Variants in BCKDHB observed in about 807,000 individuals in gnomAD.
BCKDHB encodes branched chain keto acid dehydrogenase E1 subunit beta.
In BCKDHB, 41 loss-of-function variants were observed where a neutral mutation model predicts 48.5. The ratio of observed to expected loss-of-function variants is 0.85; its 90% confidence interval spans 0.66 to 1.10. The LOEUF is 1.10. Among genes scored for constraint, BCKDHB ranks in the 50% least tolerant of loss-of-function variants. The pLI, the probability that BCKDHB is intolerant of heterozygous loss-of-function variation, is 0.00. For synonymous variants in BCKDHB, 201 were observed against 174.8 expected (o/e 1.15, Z -1.18); for missense variants, 496 against 494.2 (o/e 1.00, Z -0.03).
At chr6:80,214,445 T>A (rs1355637311) in intron 8 of BCKDHB, among the ~76,000 whole-genome samples, 1 of 152,234 alleles carries the variant, frequency 6.6e-6, no homozygotes, top group Non-Finnish European at 1.5e-5. Context: ...AATTGGTTAC[T>A]TGAACTTAAG....
chr6:80,427,018 A>G, the BCKDHB span, among the ~76,000 whole-genome samples: 1 of 152,030 alleles, frequency 6.6e-6, no homozygotes, highest in Non-Finnish European at 1.5e-5. Flanking sequence ...GTATTTGTAT[A>G]TTTATTAGAT....
chr6:80,227,937 G>A (rs1381107222), intron 8 of BCKDHB, among the ~76,000 whole-genome samples: 1 of 152,180 alleles, frequency 6.6e-6, no homozygotes, highest in African/African-American at 2.4e-5. Context: ...ATTGTGGGAT[G>A]AAAGAGTGGT....
the BCKDHB span, among the ~76,000 whole-genome samples, chr6:80,419,314 A>T: frequency 6.6e-6 from 1 of 152,118 alleles, no homozygotes; most frequent in Non-Finnish European, 1.5e-5. Context: ...GTCAAGCATA[A>T]TTCACCAGCA....
rs180912212 is a variant in BCKDHB, at chr6:80,148,330, G to A, written c.343+19101G>A. ...GTGAAAGTCATCCTTCTGCATATAT[G>A]CTTATTAGTTTCAGATCAGTGTAGA... On this transcript the variant is annotated intron_variant, in intron 3 of 9. Transcript: ENST00000320393. 1.5e-4 allele frequency among the ~76,000 whole-genome samples: 23 copies of A among 152,156 alleles called. No individual in the cohort carries two copies. In the East Asian group the frequency reaches 3.9e-3, roughly 26 times the overall value.
the BCKDHB span, among the ~76,000 whole-genome samples, chr6:80,394,936 C>A: frequency 6.6e-6 from 1 of 152,122 alleles, no homozygotes; most frequent in Non-Finnish European, 1.5e-5. Flanking sequence ...TTATAAGGAG[C>A]TTTTCCCTGT....
intron 8 of BCKDHB, among the ~76,000 whole-genome samples, chr6:80,238,529 T>C (rs1437585608): frequency 6.6e-6 from 1 of 152,170 alleles, no homozygotes; most frequent in African/African-American, 2.4e-5. Flanking sequence ...GCTCAGAGAC[T>C]CTCCAGCGCA....
At chr6:80,352,527 A>C in the BCKDHB span, among the ~76,000 whole-genome samples, 1 of 152,142 alleles carries the variant, frequency 6.6e-6, no homozygotes, top group East Asian at 1.9e-4. Context: ...CTTCCAATGA[A>C]CCACCATTTT....
chr6:80,340,815 G>A (rs536119015), intron 9 of BCKDHB, among the ~76,000 whole-genome samples: 20 of 151,970 alleles, frequency 1.3e-4, no homozygotes, highest in Non-Finnish European at 2.2e-4. Context: ...ACATACGTAC[G>A]TACGTACATG....
chr6:80,236,718 A>T (rs536715886), intron 8 of BCKDHB, among the ~76,000 whole-genome samples: 10 of 152,174 alleles, frequency 6.6e-5, no homozygotes, highest in African/African-American at 2.2e-4. Context: ...CCAATTCCAG[A>T]GTCTGTGCTC....
At position 80,197,345 on chromosome 6, in the gene BCKDHB, G is replaced by A. The variant is rs1375288036; in HGVS notation, c.743-3589G>A. 2.0e-5 allele frequency among the ~76,000 whole-genome samples: 3 copies of A among 151,982 alleles called. 1 individual carries two copies. The highest frequency in any genetic ancestry group is 7.3e-5 in the African/African-American group (3 of 41,368). ...ATTAATTCTTATTCTCCTGTTCTCA[G>A]GATAATGTTTAAGCAAATCTAAGAG... On this transcript the variant is annotated intron_variant, in intron 6 of 9. Transcript: ENST00000320393.
intron 8 of BCKDHB, among the ~76,000 whole-genome samples, chr6:80,239,489 ATTC>A (rs1776288832): frequency 6.6e-6 from 1 of 151,998 alleles, no homozygotes; most frequent in South Asian, 2.1e-4. Flanking sequence ...TTCTTTGTAG[ATTC>A]TGGATATTAG....
chr6:80,240,649 C>A (rs1386788858), intron 8 of BCKDHB, among the ~76,000 whole-genome samples: 1 of 152,080 alleles, frequency 6.6e-6, no homozygotes, highest in African/African-American at 2.4e-5. Flanking sequence ...TAATTGAATA[C>A]CCTTTATTTC....
chr6:80,423,809 T>G, the BCKDHB span, among the ~76,000 whole-genome samples: 9 of 152,362 alleles, frequency 5.9e-5, no homozygotes, highest in East Asian at 1.3e-3. Context: ...AAGCTCTTTA[T>G]GTATGGGTAC....
intron 9 of BCKDHB, among the ~76,000 whole-genome samples, chr6:80,331,688 G>C: frequency 6.6e-6 from 1 of 152,178 alleles, no homozygotes; most frequent in East Asian, 1.9e-4. Context: ...AGGTTGATGT[G>C]TGAACACTGT....
chr6:80,465,470 G>A, the BCKDHB span, among the ~76,000 whole-genome samples: 1 of 152,264 alleles, frequency 6.6e-6, no homozygotes, highest in Non-Finnish European at 1.5e-5. Flanking sequence ...CACAGCACAA[G>A]TCTAAAATCA....
At chr6:80,396,921 A>G in the BCKDHB span, among the ~76,000 whole-genome samples, 3 of 152,164 alleles carry the variant, frequency 2.0e-5, no homozygotes, top group Non-Finnish European at 4.4e-5. Flanking sequence ...AGATTAATAC[A>G]CTGCCTATGA....
the BCKDHB span, among the ~76,000 whole-genome samples, chr6:80,390,950 A>G: frequency 1.3e-5 from 2 of 152,126 alleles, no homozygotes; most frequent in Admixed American, 1.3e-4. Context: ...AGCAGGCAGA[A>G]AAACGTGAAA....
the BCKDHB span, among the ~76,000 whole-genome samples, chr6:80,444,081 C>T: frequency 6.6e-6 from 1 of 152,014 alleles, no homozygotes; most frequent in South Asian, 2.1e-4. Context: ...ATTACAAAAT[C>T]TTTAAAAGCT....
At chr6:80,287,448 T>C (rs1032734482) in intron 9 of BCKDHB, among the ~76,000 whole-genome samples, 3 of 142,026 alleles carry the variant, frequency 2.1e-5, no homozygotes, top group Non-Finnish European at 4.6e-5. Flanking sequence ...AGAATATAAA[T>C]GCTATTCCTT....
Sources: allele counts gnomAD v4.1 joint callset (sites outside exome capture counted in the v4.1 genomes callset), GRCh38; gene constraint gnomAD v4.1.1; transcripts MANE v1.5; gene names NCBI Gene and HGNC (gene_info 2026-07-23, HGNC 2026-07-21).